Variants in CELF2 observed in about 807,000 individuals in gnomAD.
CELF2 encodes CUGBP Elav-like family member 2.
Under a neutral mutation model 62.6 loss-of-function variants are expected in CELF2, and 8 were observed. That is an observed-to-expected ratio of 0.13 (90% CI 0.07 to 0.23). The LOEUF is 0.23. CELF2 is among the 10% of genes least tolerant of loss of function. CELF2 has a pLI of 1.00. For missense variants in CELF2, 333 were observed against 671.0 expected (o/e 0.50, Z 5.56); for synonymous variants, 258 against 250.0 (o/e 1.03, Z -0.30).
the CELF2 span, among the ~76,000 whole-genome samples, chr10:10,492,187 C>T: frequency 3.9e-5 from 6 of 152,166 alleles, no homozygotes; most frequent in Non-Finnish European, 8.8e-5. Context: ...ATCCTCTGTC[C>T]TCTTCCACAA....
rs947757625 is a variant in CELF2, at chr10:10,858,690, A to G, written c.53+59873A>G. 3.3e-5 allele frequency among the ~76,000 whole-genome samples: 5 copies of G among 152,188 alleles called. 1 individual carries two copies. The highest frequency in any genetic ancestry group is 2.0e-4 in the Admixed American group (3 of 15,276). The stretch of plus-strand genomic sequence containing the variant: ...CAGTGCCAGCACATAGTACTTGATA[A>G]TAAATTGTTGAATGAATGAAAGTAT... On this transcript the variant is annotated intron_variant, in intron 1 of 13. Coordinates refer to the CELF2 transcript ENST00000636488.
At position 10,885,600 on chromosome 10, in the gene CELF2, A is replaced by G. The variant is rs56741177; in HGVS notation, c.54-34364A>G. Among the ~76,000 whole-genome samples the G allele has an allele frequency of 9.7e-3, 1,478 of 152,254 alleles. 15 individuals carry two copies. The highest frequency in any genetic ancestry group is 0.032 in the African/African-American group (1,315 of 41,546). Reference sequence around the variant, plus strand: ...TGTCTCCATAAGCCCCTGGTAAACAAAATGGAAATATTATGTAATACTTTC... The same window carrying G: ...TGTCTCCATAAGCCCCTGGTAAACAGAATGGAAATATTATGTAATACTTTC... On this transcript the variant is annotated intron_variant, in intron 1 of 13. Coordinates refer to the CELF2 transcript ENST00000636488.
At chr10:10,595,752 C>T in the CELF2 span, among the ~76,000 whole-genome samples, 4 of 151,996 alleles carry the variant, frequency 2.6e-5, no homozygotes, top group Non-Finnish European at 5.9e-5. Context: ...AAAAATTAGC[C>T]AGGTATGATA....
the CELF2 span, among the ~76,000 whole-genome samples, chr10:10,747,191 G>C: frequency 6.6e-6 from 1 of 152,194 alleles, no homozygotes; most frequent in Non-Finnish European, 1.5e-5. Context: ...AGCTGGAAAT[G>C]GAGGCTGTTC....
Position 11,244,132 on chromosome 10 carries a change from T to A in CELF2, c.355-5021T>A, listed in dbSNP as rs2074885559. On this transcript the variant is annotated intron_variant, in intron 3 of 12. Coordinates refer to ENST00000633077, the MANE Select transcript of CELF2 (RefSeq NM_001326342.2). The surrounding 1 kb of genome is among the most constrained non-coding windows in gnomAD (Gnocchi z 4.2). Reference sequence around the variant, plus strand: ...AGGGTCCCTAGTCATGGGGAAGCAGTTGAGAAGCAACAGTTCTGACCCCAC... The same window carrying A: ...AGGGTCCCTAGTCATGGGGAAGCAGATGAGAAGCAACAGTTCTGACCCCAC... Among the ~76,000 whole-genome samples, 1 of 152,214 alleles carries A rather than the reference T, an allele frequency of 6.6e-6. No homozygotes were observed. The highest frequency in any genetic ancestry group is 6.5e-5 in the Admixed American group (1 of 15,288).
At chr10:10,698,242 A>C in the CELF2 span, among the ~76,000 whole-genome samples, 1 of 152,224 alleles carries the variant, frequency 6.6e-6, no homozygotes, top group African/African-American at 2.4e-5. Context: ...TGGCTCCAGG[A>C]AAAGAACTGA....
intron 9 of CELF2, among the ~76,000 whole-genome samples, chr10:11,292,661 A>G (rs2092677348): frequency 6.6e-6 from 1 of 152,098 alleles, no homozygotes; most frequent in African/African-American, 2.4e-5. Context: ...GGAGAGAGGG[A>G]CAGACAGGTG....
At chr10:10,949,385 T>C (rs925142788) in intron 2 of CELF2, among the ~76,000 whole-genome samples, 1 of 152,014 alleles carries the variant, frequency 6.6e-6, no homozygotes, top group African/African-American at 2.4e-5. Context: ...GTCACCACTG[T>C]GGATAAGAGA....
chr10:10,763,175 G>A, the CELF2 span, among the ~76,000 whole-genome samples: 2 of 152,192 alleles, frequency 1.3e-5, no homozygotes, highest in African/African-American at 2.4e-5. Context: ...GATAATGTGT[G>A]TGAAAAGATA....
chr10:10,908,065 T>C (rs1383566887), intron 1 of CELF2, among the ~76,000 whole-genome samples: 1 of 152,094 alleles, frequency 6.6e-6, no homozygotes, highest in Non-Finnish European at 1.5e-5. Context: ...TTTCTGCCCA[T>C]ACTGATGCCG....
chr10:10,793,978 G>GTT (rs61664882), upstream of CELF2, among the ~76,000 whole-genome samples: 59 of 151,554 alleles, frequency 3.9e-4, no homozygotes, highest in Non-Finnish European at 4.4e-4. Flanking sequence ...TCTTTTTTTT[G>GTT]TTTTTTTTGG....
At chr10:10,581,259 A>C in the CELF2 span, among the ~76,000 whole-genome samples, 1 of 152,190 alleles carries the variant, frequency 6.6e-6, no homozygotes, top group Admixed American at 6.6e-5. Flanking sequence ...TTTAAGTACA[A>C]CCTTTAGCTA....
At chr10:10,584,371 T>A in the CELF2 span, among the ~76,000 whole-genome samples, 1 of 152,184 alleles carries the variant, frequency 6.6e-6, no homozygotes, top group African/African-American at 2.4e-5. Context: ...AACTGCTGGA[T>A]TGGTTACAGC....
intron 1 of CELF2, among the ~76,000 whole-genome samples, chr10:11,129,126 T>C (rs1353397677): frequency 3.3e-5 from 5 of 152,240 alleles, no homozygotes; most frequent in African/African-American, 4.8e-5. Context: ...TCTGCATCTA[T>C]TGAGATAATC....
rs1225379313 is a variant in CELF2, at chr10:11,331,520, C to T, written c.*2467C>T. On this transcript the variant is annotated 3_prime_UTR_variant, in exon 13 of 13. Transcript: ENST00000633077. ...TGCCAAATTCCAAAGGTACTTCCTT[C>T]CTAGAGCTTCAGTGTGTTTCTTGTG... The T allele has an allele frequency of 6.6e-6, 1 of 151,170 alleles. No individual in the cohort carries two copies. The highest frequency in any genetic ancestry group is 2.4e-5 in the African/African-American group (1 of 41,034). The allele number at this position is 151,170 out of a possible 1,614,324, so 9.4% of individuals were successfully genotyped here.
chr10:10,884,738 A>G (rs962067660), intron 1 of CELF2, among the ~76,000 whole-genome samples: 2 of 152,178 alleles, frequency 1.3e-5, no homozygotes, highest in African/African-American at 4.8e-5. Context: ...CCTGAACTTG[A>G]GGAAATCTGG....
the CELF2 span, among the ~76,000 whole-genome samples, chr10:10,572,941 C>T: frequency 2.0e-3 from 298 of 152,312 alleles, no homozygotes; most frequent in African/African-American, 6.8e-3. Flanking sequence ...GCCACACCAT[C>T]TTCCACAATG....
At chr10:10,906,175 T>A (rs2063327145) in intron 1 of CELF2, among the ~76,000 whole-genome samples, 1 of 72,320 alleles carries the variant, frequency 1.4e-5, no homozygotes, top group Non-Finnish European at 2.5e-5. Context: ...TCTAACTATT[T>A]ATTTCCCAGG....
At chr10:10,470,558 A>T in the CELF2 span, among the ~76,000 whole-genome samples, 2 of 151,816 alleles carry the variant, frequency 1.3e-5, no homozygotes, top group African/African-American at 2.4e-5. Flanking sequence ...CACATATCCC[A>T]TGACCTGTAG....
Sources: allele counts gnomAD v4.1 joint callset (sites outside exome capture counted in the v4.1 genomes callset), GRCh38; gene constraint gnomAD v4.1.1; non-coding constraint Gnocchi (gnomAD v3.1); transcripts MANE v1.5; gene names NCBI Gene and HGNC (gene_info 2026-07-23, HGNC 2026-07-21).